The following PARP9 variants were observed in gnomAD, a reference collection of about 807,000 sequenced individuals.
PARP9 encodes poly(ADP-ribose) polymerase family member 9.
PARP9 carries 48 observed loss-of-function variants against 68.8 expected under a neutral mutation model. The observed-to-expected ratio is 0.70, with a 90% confidence interval of 0.55 to 0.89. The LOEUF (loss-of-function observed/expected upper bound fraction) is 0.89, where lower values mean the gene tolerates loss of function less well. Ranked by LOEUF, PARP9 falls within the 40% of genes least tolerant of loss-of-function variation. The pLI is 0.00. For synonymous variants in PARP9, 309 were observed against 333.8 expected (o/e 0.93, Z 0.81); for missense variants, 806 against 969.3 (o/e 0.83, Z 2.24).
chr3:122,531,460 T>C (rs1576372254), intron 10 of PARP9, among the ~76,000 whole-genome samples: 1 of 152,150 alleles, frequency 6.6e-6, no homozygotes. Context: ...ATATGTATAG[T>C]TTTTTGAGAA....
At chr3:122,537,300 TGTGA>T (rs1174312509) in intron 8 of PARP9, among the ~76,000 whole-genome samples, 1 of 152,196 alleles carries the variant, frequency 6.6e-6, no homozygotes, top group Non-Finnish European at 1.5e-5. Context: ...GCTAAGGGGA[TGTGA>T]GTAAAAGGAG....
chr3:122,540,335 G>T, intron 8 of PARP9, 137 bp downstream of exon 8: 1 of 1,129,244 alleles, frequency 8.9e-7, no homozygotes, highest in Non-Finnish European at 1.2e-6. Flanking sequence ...AAAGGCTTAT[G>T]ATCTAACAAA....
In PARP9 at chr3:122,556,578, T is replaced by G. The variant is rs79059533; in HGVS notation, c.50-457A>C. ...TTGCCTTTGTCAGCATCTAAGTTTA[T>G]GTTTTCTTAAGAGTAGACCCTGAGA... On this transcript the variant is annotated intron_variant, in intron 3 of 10. Coordinates refer to ENST00000682323, the MANE Select transcript of PARP9 (RefSeq NM_001146105.2). Among the ~76,000 whole-genome samples the G allele has an allele frequency of 1.9e-4, 29 of 152,344 alleles. No homozygotes were observed. The East Asian group carries it at 3.1e-3, about 16-fold the overall frequency.
chr3:122,537,083 A>T lies in PARP9; in HGVS notation c.1766-10T>A. ...TGAATAGTCCACTGTCCTAAAAATG[A>T]GTAACACAAAAACTTTACTTCAATG... On this transcript the variant is annotated splice_polypyrimidine_tract_variant and intron_variant, in intron 8 of 10. Transcript: ENST00000682323. The T allele has an allele frequency of 5.0e-6, 8 of 1,597,342 alleles. No individual in the cohort carries two copies. The highest frequency in any genetic ancestry group is 6.8e-6 in the Non-Finnish European group (8 of 1,174,618).
chr3:122,540,577 C>G lies in PARP9; in HGVS notation c.1660G>C (p.Ala554Pro). ...PGRTELEIEG[A>P]RADLIEVVMN... ...ACCACCTCAATGAGGTCAGCCCGGG[C>G]TCCTTCAATCTCTAACTCTGTCCTT... Residue 554 changes from alanine to proline, a missense_variant, in exon 8 of 11, where the codon GCC (alanine) becomes CCC (proline). Ala to Pro is a conservative substitution (Grantham distance 27). Around this residue, in one of 2 missense-constraint regions of PARP9, gnomAD observed 680 missense variants for 858.8 expected, o/e 0.79. Coordinates refer to ENST00000682323, the MANE Select transcript of PARP9 (RefSeq NM_001146105.2). 1 of 1,614,148 alleles carries G rather than the reference C, an allele frequency of 6.2e-7. No homozygotes were observed. Among genetic ancestry groups the G allele is most frequent in the Non-Finnish European group, 8.5e-7 (1 of 1,180,022 alleles).
intron 8 of PARP9, among the ~76,000 whole-genome samples, chr3:122,539,511 C>A (rs558314814): frequency 2.4e-3 from 41 of 17,012 alleles, no homozygotes; most frequent in African/African-American, 9.9e-3. Flanking sequence ...GATGGCATTT[C>A]TTTCTTTCTT....
intron 10 of PARP9, among the ~76,000 whole-genome samples, chr3:122,531,187 A>C (rs2077282025): frequency 6.6e-6 from 1 of 152,216 alleles, no homozygotes; most frequent in African/African-American, 2.4e-5. Context: ...TAGCGGCTAC[A>C]ATATTGAACA....
At position 122,538,324 on chromosome 3, in the gene PARP9, T is replaced by C. The variant is rs138813615; in HGVS notation, c.1766-1251A>G. Among the ~76,000 whole-genome samples, 504 of 152,278 alleles carry C rather than the reference T, an allele frequency of 3.3e-3. 7 individuals carry two copies. Among genetic ancestry groups the C allele is most frequent in the African/African-American group, 0.012 (485 of 41,572 alleles). ...ACCCAAAGATCACAAACTTCTGCCG[T>C]TGGAAATGCCTACCAGGAAGGATTA... is the stretch of plus-strand genomic sequence containing the variant. On this transcript the variant is annotated intron_variant, in intron 8 of 10. Transcript: ENST00000682323.
intron 6 of PARP9, among the ~76,000 whole-genome samples, chr3:122,547,442 C>G (rs528892687): frequency 1.3e-5 from 2 of 152,130 alleles, no homozygotes; most frequent in South Asian, 4.2e-4. Context: ...GCGCTCAGAC[C>G]GTGGTTGATC....
In PARP9 at chr3:122,550,627, G is replaced by A. The variant is rs773540820; in HGVS notation, c.1283C>T (p.Thr428Ile). 2 of 1,613,648 alleles carry A rather than the reference G, an allele frequency of 1.2e-6. No individual in the cohort carries two copies. Among genetic ancestry groups the A allele is most frequent in the Non-Finnish European group, 1.7e-6 (2 of 1,179,982 alleles). The change falls in exon 6 of 11, where the codon ACT becomes ATT. Residue 428 changes from threonine to isoleucine, a missense_variant. This residue lies in a region of PARP9 where 680 missense variants were observed against 858.8 expected (regional missense o/e 0.79). Coordinates refer to ENST00000682323, the MANE Select transcript of PARP9 (RefSeq NM_001146105.2). ...TGTTGGAAAGATCACAAATTTTACA[G>A]TTAACTGGTGTTTTACATGGTCTTT... ...FAKDHVKHQL[T>I]VKFVIFPTDL... is the part of the protein sequence containing the mutation.
intron 3 of PARP9, among the ~76,000 whole-genome samples, chr3:122,556,938 T>C (rs960003284): frequency 2.0e-5 from 3 of 152,190 alleles, no homozygotes; most frequent in Non-Finnish European, 4.4e-5. Context: ...CACCTCAGCC[T>C]CCTGAGTAGC....
At chr3:122,534,945 T>A in intron 10 of PARP9, 1 of 982,750 alleles carries the variant, frequency 1.0e-6, no homozygotes, top group Non-Finnish European at 1.2e-6. Context: ...GGCTAAGACC[T>A]TGGGACCATA....
At chr3:122,532,897 T>C (rs191009667) in intron 10 of PARP9, 6 of 152,336 alleles carry the variant, frequency 3.9e-5, no homozygotes, top group Admixed American at 1.3e-4. Context: ...TTGAGGAACA[T>C]AGTGGGTGAT....
Position 122,528,249 on chromosome 3 carries a change from G to T in PARP9, c.*115C>A. On this transcript the variant is annotated 3_prime_UTR_variant, in exon 11 of 11. Transcript: ENST00000682323. ...GCTAGTCCTTTCAATAACCCAGTCA[G>T]TCCATACAGATAACCCATGGGATAT... is the stretch of plus-strand genomic sequence containing the variant. 1.5e-6 allele frequency: 2 copies of T among 1,327,286 alleles called. No homozygotes were observed. The highest frequency in any genetic ancestry group is 1.5e-5 in the African/African-American group (1 of 67,986). 82.2% of individuals were successfully genotyped at this position (1,327,286 alleles called of 1,614,324 possible).
intron 6 of PARP9, 75 bp downstream of exon 6, chr3:122,550,509 T>G: frequency 8.2e-7 from 1 of 1,214,298 alleles, no homozygotes; most frequent in South Asian, 1.4e-5. Context: ...TCTTACATTG[T>G]AGATACTAAA....
rs776274163 is a variant in PARP9 at position 122,536,256 on chromosome 3, C to T, written c.1992G>A (p.Val664=). The T allele has an allele frequency of 6.8e-6, 11 of 1,614,042 alleles. No homozygotes were observed. The highest frequency in any genetic ancestry group is 3.3e-4 in the Middle Eastern group (2 of 6,084). ...GGACTTGCTGAAACAGCCTATGGCTCACAGGTTGCCTGTGCAGTTTTTCTT... is the reference window on the plus strand; with the variant it reads ...GGACTTGCTGAAACAGCCTATGGCTTACAGGTTGCCTGTGCAGTTTTTCTT... The part of the protein sequence containing the change: ...MMEEKLHRQP[V]SHRLFQQVPY... Residue 664 remains valine, a synonymous_variant, in exon 10 of 11, where the codon GTG becomes GTA. Coordinates refer to ENST00000682323, the MANE Select transcript of PARP9 (RefSeq NM_001146105.2).
chr3:122,539,518 T>C (rs557035918), intron 8 of PARP9, among the ~76,000 whole-genome samples: 2 of 28,232 alleles, frequency 7.1e-5, no homozygotes, highest in South Asian at 1.2e-3. Flanking sequence ...TTTCTTTCTT[T>C]CTTTCTTTCT....
chr3:122,536,346 G>C lies in PARP9; in HGVS notation c.1906-4C>G. The C allele has an allele frequency of 6.2e-7, 1 of 1,611,408 alleles. No individual in the cohort carries two copies. Among genetic ancestry groups the C allele is most frequent in the Non-Finnish European group, 8.5e-7 (1 of 1,179,192 alleles). ...CCTCATTGTCTATCTTCTCCACCTA[G>C]AACCATAGAAAAGAAAGACTGAAAA... On this transcript the variant is annotated splice_region_variant and splice_polypyrimidine_tract_variant and intron_variant, in intron 9 of 10. Coordinates refer to ENST00000682323, the MANE Select transcript of PARP9 (RefSeq NM_001146105.2).
intron 7 of PARP9, among the ~76,000 whole-genome samples, chr3:122,542,703 C>T (rs2078345819): frequency 6.6e-6 from 1 of 152,108 alleles, no homozygotes; most frequent in Non-Finnish European, 1.5e-5. Context: ...TGGTCTTGAA[C>T]TCCTGACCTC....
Sources: gnomAD v4.1 joint callset for allele counts (sites outside exome capture counted in the v4.1 genomes callset) on GRCh38, gnomAD v4.1.1 for gene constraint, gnomAD v4.1.1 regional missense constraint, MANE v1.5 for transcripts, NCBI Gene and HGNC (gene_info 2026-07-23, HGNC 2026-07-21) for gene names.